The following CRB1 variants were observed in gnomAD, a reference collection of about 807,000 sequenced individuals.
CRB1 encodes protein crumbs homolog 1.
CRB1 carries 83 observed loss-of-function variants against 120.0 expected under a neutral mutation model. The ratio of observed to expected loss-of-function variants is 0.69; its 90% confidence interval spans 0.58 to 0.83. The LOEUF is 0.83. CRB1 is among the 40% of genes least tolerant of loss of function. The pLI, the probability that CRB1 is intolerant of heterozygous loss-of-function variation, is 0.00. For synonymous variants in CRB1, 625 were observed against 612.5 expected, an observed-to-expected ratio of 1.02 and a Z score of -0.30; for missense variants, 1,699 against 1,687.6, an observed-to-expected ratio of 1.01 and a Z score of -0.12.
At chr1:197,425,457 G>A (rs1360561180) in intron 6 of CRB1, among the ~76,000 whole-genome samples, 1 of 152,130 alleles carries the variant, frequency 6.6e-6, no homozygotes, top group African/African-American at 2.4e-5. Context: ...CCAAACTTCA[G>A]CTGGGCCATA....
chr1:197,383,609 T>C (rs994929912), intron 5 of CRB1, among the ~76,000 whole-genome samples: 2 of 152,206 alleles, frequency 1.3e-5, no homozygotes, highest in East Asian at 1.9e-4. Flanking sequence ...CAACCTGATA[T>C]GCAGCTTCCT....
intron 2 of CRB1, among the ~76,000 whole-genome samples, chr1:197,339,543 T>C (rs1201177720): frequency 6.6e-6 from 1 of 152,224 alleles, no homozygotes; most frequent in East Asian, 1.9e-4. Context: ...ACTACAATTA[T>C]TTCCAAAGCG....
At chr1:197,448,745 G>A (rs566847430) in intron 11 of CRB1, among the ~76,000 whole-genome samples, 29 of 152,036 alleles carry the variant, frequency 1.9e-4, no homozygotes, top group Non-Finnish European at 2.6e-4. Flanking sequence ...TTTTATTCCT[G>A]CACTTTTTTG....
chr1:197,418,406 A>G (rs1664112728), intron 5 of CRB1, among the ~76,000 whole-genome samples: 1 of 152,200 alleles, frequency 6.6e-6, no homozygotes, highest in Non-Finnish European at 1.5e-5. Flanking sequence ...CTATCCATCA[A>G]ACATTTAATC....
chr1:197,318,940 A>G (rs1243606315), intron 1 of CRB1, among the ~76,000 whole-genome samples: 5 of 152,120 alleles, frequency 3.3e-5, no homozygotes, highest in Admixed American at 3.3e-4. Context: ...GGATGACTAG[A>G]GTTAACAACA....
chr1:197,332,253 T>A (rs953287475), intron 2 of CRB1, among the ~76,000 whole-genome samples: 4 of 152,308 alleles, frequency 2.6e-5, no homozygotes, highest in African/African-American at 9.6e-5. Context: ...TACAATGAAT[T>A]CATTTATACT....
chr1:197,275,915 T>C (rs1289013055), intron 1 of CRB1, among the ~76,000 whole-genome samples: 2 of 152,074 alleles, frequency 1.3e-5, no homozygotes, highest in East Asian at 3.9e-4. Flanking sequence ...TACATATTTT[T>C]GACTTAACAA....
At chr1:197,454,843 A>G (rs12089070) in intron 11 of CRB1, among the ~76,000 whole-genome samples, 140,526 of 152,192 alleles carry the variant, frequency 0.92, 65,941 homozygotes, top group Non-Finnish European at 1. Flanking sequence ...TCCACCATTT[A>G]TCAAAGGCCT....
At chr1:197,428,245 G>T (rs1571541586) in intron 7 of CRB1, among the ~76,000 whole-genome samples, 3 of 152,234 alleles carry the variant, frequency 2.0e-5, no homozygotes, top group East Asian at 1.9e-4. Context: ...TCGGCTATAG[G>T]CTTCTCTCAC....
chr1:197,470,789 T>C (rs947210389), intron 11 of CRB1, among the ~76,000 whole-genome samples: 2 of 152,250 alleles, frequency 1.3e-5, no homozygotes. Flanking sequence ...CAGGGACTGT[T>C]TGGCCCACCA....
At chr1:197,298,072 T>C (rs934497349) in intron 1 of CRB1, among the ~76,000 whole-genome samples, 9 of 151,980 alleles carry the variant, frequency 5.9e-5, no homozygotes, top group African/African-American at 2.2e-4. Context: ...ACAGGAGCCA[T>C]AGGGAAATAA....
intron 10 of CRB1, 81 bp downstream of exon 10, chr1:197,438,756 A>ATT (rs5779871): frequency 3.3e-6 from 5 of 1,532,702 alleles, no homozygotes; most frequent in African/African-American, 1.4e-5. Context: ...TTCTCCTCTA[A>ATT]TTTTTTATCT....
intron 5 of CRB1, among the ~76,000 whole-genome samples, chr1:197,385,444 T>C (rs2125406262): frequency 6.6e-6 from 1 of 152,236 alleles, no homozygotes; most frequent in South Asian, 2.1e-4. Context: ...AGATATTAAA[T>C]TGTGGAGTGA....
intron 4 of CRB1, among the ~76,000 whole-genome samples, chr1:197,356,374 A>T (rs1270251384): frequency 6.6e-6 from 1 of 152,202 alleles, no homozygotes; most frequent in African/African-American, 2.4e-5. Flanking sequence ...ATTTAAAACA[A>T]CCTCTTATTC....
chr1:197,245,001 G>A, the CRB1 span, among the ~76,000 whole-genome samples: 62 of 151,746 alleles, frequency 4.1e-4, no homozygotes, highest in African/African-American at 1.4e-3. Context: ...TTAGGTTATC[G>A]TATTTTTAGT....
intron 1 of CRB1, among the ~76,000 whole-genome samples, chr1:197,278,848 C>T (rs1655366806): frequency 6.6e-6 from 1 of 151,736 alleles, no homozygotes; most frequent in African/African-American, 2.4e-5. Flanking sequence ...GAGCAAGGTC[C>T]ACTGTTCTCC....
At chr1:197,381,514 A>C (rs1455107382) in intron 5 of CRB1, among the ~76,000 whole-genome samples, 1 of 152,244 alleles carries the variant, frequency 6.6e-6, no homozygotes, top group Non-Finnish European at 1.5e-5. Context: ...GCATTCAGGC[A>C]TCAATTTAAT....
the CRB1 span, among the ~76,000 whole-genome samples, chr1:197,223,745 T>TA: frequency 6.6e-6 from 1 of 152,198 alleles, no homozygotes; most frequent in Non-Finnish European, 1.5e-5. Context: ...CGAATAGCCC[T>TA]AAAATATGGA....
intron 5 of CRB1, among the ~76,000 whole-genome samples, chr1:197,394,825 G>A (rs1363722549): frequency 1.3e-5 from 2 of 151,996 alleles, no homozygotes; most frequent in African/African-American, 4.8e-5. Flanking sequence ...TCAGCAGGGA[G>A]TCTAAACCAT....
Sources: allele counts gnomAD v4.1 joint callset (sites outside exome capture counted in the v4.1 genomes callset), GRCh38; gene constraint gnomAD v4.1.1; transcripts MANE v1.5; gene names NCBI Gene and HGNC (gene_info 2026-07-23, HGNC 2026-07-21).